TMEM178A: variants seen among roughly 807,000 people sequenced by gnomAD.
The protein encoded by TMEM178A is transmembrane protein 178.
TMEM178A carries 12 observed loss-of-function variants against 29.1 expected under a neutral mutation model. That is an observed-to-expected ratio of 0.41 (90% CI 0.26 to 0.67). TMEM178A has a LOEUF of 0.67. TMEM178A is among the 30% of genes least tolerant of loss of function. TMEM178A has a pLI of 0.29. For synonymous variants in TMEM178A, 210 were observed against 187.2 expected, an observed-to-expected ratio of 1.12 and a Z score of -0.99; for missense variants, 366 against 419.1, an observed-to-expected ratio of 0.87 and a Z score of 1.11.
chr2:39,701,521 T>G (rs1168582969), intron 1 of TMEM178A, among the ~76,000 whole-genome samples: 3 of 152,128 alleles, frequency 2.0e-5, no homozygotes, highest in Non-Finnish European at 4.4e-5. Context: ...TATATCTGGG[T>G]GTGGGTCTCT....
chr2:39,725,043 C>T, the TMEM178A span, among the ~76,000 whole-genome samples: 2 of 152,186 alleles, frequency 1.3e-5, no homozygotes, highest in South Asian at 4.2e-4. Flanking sequence ...AAGGGATGAA[C>T]CAGTTCTTAA....
At chr2:39,695,298 T>C (rs1671487978) in intron 1 of TMEM178A, among the ~76,000 whole-genome samples, 2 of 152,012 alleles carry the variant, frequency 1.3e-5, no homozygotes, top group African/African-American at 2.4e-5. Flanking sequence ...ACCTTAAGCA[T>C]TAGTGGTACT....
At chr2:39,694,568 A>C (rs1671459019) in intron 1 of TMEM178A, among the ~76,000 whole-genome samples, 1 of 152,142 alleles carries the variant, frequency 6.6e-6, no homozygotes, top group Admixed American at 6.5e-5. Flanking sequence ...ACTCATTTTC[A>C]TCTAGTAAAC....
chr2:39,709,534 T>C (rs1385706283), intron 3 of TMEM178A, among the ~76,000 whole-genome samples: 1 of 152,162 alleles, frequency 6.6e-6, no homozygotes, highest in Non-Finnish European at 1.5e-5. Context: ...AAGGGATGCA[T>C]TTAAAATCCA....
intron 1 of TMEM178A, among the ~76,000 whole-genome samples, chr2:39,675,742 A>G (rs1344529198): frequency 1.3e-5 from 2 of 152,126 alleles, no homozygotes; most frequent in African/African-American, 4.8e-5. Context: ...GTATTCATCC[A>G]TACATGCAGT....
Position 39,717,267 on chromosome 2 carries a change from C to A in TMEM178A, c.*16C>A. ...CACGGTATGACTGTCCTCACTGGGC[C>A]TGTCCACAGTGCGAGCGACTCCTGA... On this transcript the variant is annotated 3_prime_UTR_variant, in exon 4 of 4. Coordinates refer to ENST00000281961, the MANE Select transcript of TMEM178A (RefSeq NM_152390.3). The A allele has an allele frequency of 6.2e-7, 1 of 1,612,276 alleles. No homozygotes were observed. The highest frequency in any genetic ancestry group is 8.5e-7 in the Non-Finnish European group (1 of 1,179,130).
At chr2:39,735,102 CTT>C in the TMEM178A span, among the ~76,000 whole-genome samples, 4 of 152,308 alleles carry the variant, frequency 2.6e-5, no homozygotes, top group South Asian at 8.3e-4. Context: ...ATTCAAAACT[CTT>C]TCAGTGGTTT....
chr2:39,685,219 C>G (rs1356197885), intron 1 of TMEM178A, among the ~76,000 whole-genome samples: 1 of 152,160 alleles, frequency 6.6e-6, no homozygotes, highest in African/African-American at 2.4e-5. Flanking sequence ...TTCAGTGATG[C>G]CCCCTTACTC....
Position 39,717,280 on chromosome 2 carries a change from G to C in TMEM178A, c.*29G>C. The C allele has an allele frequency of 6.2e-7, 1 of 1,607,080 alleles. No homozygotes were observed. Among genetic ancestry groups the C allele is most frequent in the East Asian group, 2.2e-5 (1 of 44,780 alleles). Reference sequence around the variant, plus strand: ...TCCTCACTGGGCCTGTCCACAGTGCGAGCGACTCCTGAGGGGAACAGCGCG... The same window carrying C: ...TCCTCACTGGGCCTGTCCACAGTGCCAGCGACTCCTGAGGGGAACAGCGCG... On this transcript the variant is annotated 3_prime_UTR_variant, in exon 4 of 4. Transcript: ENST00000281961.
chr2:39,677,016 A>G (rs1270550963), intron 1 of TMEM178A, among the ~76,000 whole-genome samples: 4 of 152,146 alleles, frequency 2.6e-5, no homozygotes, highest in African/African-American at 9.7e-5. Context: ...TTGAAGGTAA[A>G]TGTTCAAAAT....
At chr2:39,665,825 G>C (rs1210315512), upstream of TMEM178A, 5 of 730,994 alleles carry the variant, frequency 6.8e-6, no homozygotes, top group Admixed American at 2.2e-4. Flanking sequence ...GAGCGAGCCG[G>C]GCCGGGCTCG....
the TMEM178A span, among the ~76,000 whole-genome samples, chr2:39,729,111 A>G: frequency 6.6e-6 from 1 of 152,188 alleles, no homozygotes; most frequent in Non-Finnish European, 1.5e-5. Flanking sequence ...TAGAATGCTC[A>G]ATAGGGCCAG....
At chr2:39,721,920 G>A (rs1672713191), downstream of TMEM178A, among the ~76,000 whole-genome samples, 1 of 130,926 alleles carries the variant, frequency 7.6e-6, no homozygotes, top group African/African-American at 2.9e-5. Flanking sequence ...GAGTCTAGAA[G>A]CTATTGAGCT....
intron 1 of TMEM178A, among the ~76,000 whole-genome samples, chr2:39,674,452 G>C (rs1423212968): frequency 6.6e-6 from 1 of 152,164 alleles, no homozygotes; most frequent in Non-Finnish European, 1.5e-5. Context: ...CTGATCATTG[G>C]GAGCTAAGCT....
chr2:39,677,523 A>C (rs968816146), intron 1 of TMEM178A, among the ~76,000 whole-genome samples: 1 of 152,188 alleles, frequency 6.6e-6, no homozygotes, highest in Non-Finnish European at 1.5e-5. Context: ...AAGAAAAGCC[A>C]CTTAACTCAT....
chr2:39,688,924 A>G (rs1671197093), intron 1 of TMEM178A, among the ~76,000 whole-genome samples: 1 of 152,196 alleles, frequency 6.6e-6, no homozygotes, highest in African/African-American at 2.4e-5. Context: ...CAGCCCATCT[A>G]GTAAAGGGGA....
At chr2:39,726,773 C>T in the TMEM178A span, among the ~76,000 whole-genome samples, 2 of 151,636 alleles carry the variant, frequency 1.3e-5, no homozygotes, top group Admixed American at 1.3e-4. Flanking sequence ...GCAGGGTGAC[C>T]AAAAAATGGT....
chr2:39,694,961 A>C (rs1245702901), intron 1 of TMEM178A, among the ~76,000 whole-genome samples: 1 of 152,194 alleles, frequency 6.6e-6, no homozygotes, highest in Non-Finnish European at 1.5e-5. Flanking sequence ...GAGGCTCTAA[A>C]AGTCAGTGTT....
At chr2:39,722,364 T>TAA (rs1241332572), downstream of TMEM178A, among the ~76,000 whole-genome samples, 5 of 152,340 alleles carry the variant, frequency 3.3e-5, no homozygotes, top group East Asian at 9.6e-4. Flanking sequence ...GTTTTATGGT[T>TAA]AACTCAGCGT....
Sources: gnomAD v4.1 joint callset for allele counts (sites outside exome capture counted in the v4.1 genomes callset) on GRCh38, gnomAD v4.1.1 for gene constraint, MANE v1.5 for transcripts, NCBI Gene and HGNC (gene_info 2026-07-23, HGNC 2026-07-21) for gene names.